Variants in CASQ2 observed in about 807,000 individuals in gnomAD.
CASQ2 encodes the protein calsequestrin-2.
CASQ2 carries 49 observed loss-of-function variants against 46.5 expected under a neutral mutation model. The observed-to-expected ratio is 1.05, with a 90% CI of 0.84 to 1.34. CASQ2 has a LOEUF of 1.34. Ranked by LOEUF, CASQ2 falls within the 40% of genes most tolerant of loss-of-function variation. CASQ2 has a pLI of 0.00. For missense variants in CASQ2, 486 were observed against 481.3 expected (o/e 1.01, Z -0.09); for synonymous variants, 174 against 168.5 (o/e 1.03, Z -0.25).
chr1:115,754,108 G>A (rs890434265), intron 1 of CASQ2, among the ~76,000 whole-genome samples: 4 of 152,134 alleles, frequency 2.6e-5, no homozygotes, highest in South Asian at 2.1e-4. Flanking sequence ...CCAGAGAGCC[G>A]ACGTTTCTCT....
At chr1:115,734,765 G>T (rs1647900615) in intron 4 of CASQ2, among the ~76,000 whole-genome samples, 1 of 152,092 alleles carries the variant, frequency 6.6e-6, no homozygotes, top group Admixed American at 6.6e-5. Context: ...CCCTCTCTCA[G>T]GGTTGTGCGT....
At chr1:115,747,373 T>C (rs185505119) in intron 1 of CASQ2, among the ~76,000 whole-genome samples, 7 of 152,308 alleles carry the variant, frequency 4.6e-5, no homozygotes, top group African/African-American at 7.2e-5. Context: ...TTGATTGCAG[T>C]AGCTAGGATC....
At chr1:115,761,529 G>GAAGAAGAAGAAGAAGAAGAAGAAGAAGT in intron 1 of CASQ2, among the ~76,000 whole-genome samples, 1 of 67,866 alleles carries the variant, frequency 1.5e-5, no homozygotes, top group African/African-American at 5.0e-5. Flanking sequence ...AGAAGAAGAA[G>GAAGAAGAAGAAGAAGAAGAAGAAGAAGT]AGTTCATAAA....
At chr1:115,768,223 G>A (rs1047546402) in intron 1 of CASQ2, 85 bp downstream of exon 1, 15 of 878,536 alleles carry the variant, frequency 1.7e-5, no homozygotes, top group Admixed American at 6.8e-5. Flanking sequence ...CTGCATCCTC[G>A]TTCCCATATC....
At chr1:115,704,502 G>A (rs1654301940) in intron 9 of CASQ2, among the ~76,000 whole-genome samples, 1 of 152,182 alleles carries the variant, frequency 6.6e-6, no homozygotes, top group Non-Finnish European at 1.5e-5. Flanking sequence ...CTAGTTCCAG[G>A]CATACAGTAG....
At position 115,710,047 on chromosome 1, in the gene CASQ2, T is replaced by C. The variant is rs191636897; in HGVS notation, c.839-4755A>G. 3.9e-5 allele frequency among the ~76,000 whole-genome samples: 6 copies of C among 152,300 alleles called. No individual in the cohort carries two copies. The East Asian group carries it at 1.2e-3, about 29-fold the overall frequency. Reference sequence around the variant, plus strand: ...TTTGTAAAGATGAAGTCTCTCTGTGTTGTCCAGGCTCATCTTGAACTCCTG... The same window carrying C: ...TTTGTAAAGATGAAGTCTCTCTGTGCTGTCCAGGCTCATCTTGAACTCCTG... On this transcript the variant is annotated intron_variant, in intron 8 of 10. Coordinates refer to ENST00000261448, the MANE Select transcript of CASQ2 (RefSeq NM_001232.4).
At position 115,705,214 on chromosome 1, in the gene CASQ2, A is replaced by C; in HGVS notation, c.917T>G (p.Ile306Ser). ...CACCAGAGGAAAGTCGTCCGGGTCG[A>C]TCCACAGGATGCTCAGATCGGGGTT... ...TDNPDLSILW[I>S]DPDDFPLLVA... is the part of the protein sequence containing the mutation. Residue 306 changes from isoleucine (I) to serine (S), a missense_variant, in exon 9 of 11, where the codon ATC (isoleucine) becomes AGC (serine). Coordinates refer to ENST00000261448, the MANE Select transcript of CASQ2 (RefSeq NM_001232.4). 1 of 1,613,568 alleles carries C rather than the reference A, an allele frequency of 6.2e-7. No homozygotes were observed. Among genetic ancestry groups the C allele is most frequent in the Non-Finnish European group, 8.5e-7 (1 of 1,179,456 alleles).
chr1:115,751,456 C>T (rs1648577722), intron 1 of CASQ2, among the ~76,000 whole-genome samples: 1 of 151,650 alleles, frequency 6.6e-6, no homozygotes, highest in Admixed American at 6.6e-5. Flanking sequence ...AACACGAGGT[C>T]AGGAGATAGA....
intron 4 of CASQ2, among the ~76,000 whole-genome samples, chr1:115,735,496 G>A (rs1034808822): frequency 2.6e-5 from 4 of 152,268 alleles, no homozygotes; most frequent in East Asian, 1.9e-4. Flanking sequence ...CAAGGGCTAC[G>A]TGAAATATAT....
intron 8 of CASQ2, among the ~76,000 whole-genome samples, chr1:115,708,171 C>T (rs1023407712): frequency 6.6e-6 from 1 of 152,018 alleles, no homozygotes; most frequent in Admixed American, 6.5e-5. Context: ...TTTTTGTAAA[C>T]GAGTGAAGTC....
chr1:115,711,107 C>T (rs1042120322), intron 8 of CASQ2, among the ~76,000 whole-genome samples: 13 of 152,174 alleles, frequency 8.5e-5, no homozygotes, highest in Non-Finnish European at 1.8e-4. Flanking sequence ...GCTATCTGTC[C>T]TCATGGCCCC....
At chr1:115,765,379 T>G (rs1007935823) in intron 1 of CASQ2, among the ~76,000 whole-genome samples, 5 of 152,156 alleles carry the variant, frequency 3.3e-5, no homozygotes, top group Non-Finnish European at 7.4e-5. Flanking sequence ...CCCTTAGAGA[T>G]GCAGACAAAA....
chr1:115,731,716 T>G (rs1216899434), intron 5 of CASQ2, among the ~76,000 whole-genome samples: 1 of 152,160 alleles, frequency 6.6e-6, no homozygotes, highest in South Asian at 2.1e-4. Context: ...AGTAACTACA[T>G]GATCATGAAA....
intron 2 of CASQ2, among the ~76,000 whole-genome samples, chr1:115,743,083 CTG>C (rs920674326): frequency 1.3e-5 from 2 of 152,124 alleles, no homozygotes; most frequent in Admixed American, 1.3e-4. Context: ...AGCCATTAAA[CTG>C]TTTTTGACTC....
intron 5 of CASQ2, among the ~76,000 whole-genome samples, chr1:115,727,402 T>C (rs940141859): frequency 1.3e-5 from 2 of 152,136 alleles, no homozygotes; most frequent in Non-Finnish European, 2.9e-5. Flanking sequence ...AGTGGGAAAT[T>C]TAATTCTACA....
intron 10 of CASQ2, among the ~76,000 whole-genome samples, chr1:115,702,423 T>C (rs889757729): frequency 6.6e-6 from 1 of 152,180 alleles, no homozygotes; most frequent in African/African-American, 2.4e-5. Flanking sequence ...TGTCCCACCC[T>C]CGGTTCAACA....
intron 10 of CASQ2, among the ~76,000 whole-genome samples, chr1:115,701,703 G>T (rs558323718): frequency 2.0e-5 from 3 of 152,282 alleles, no homozygotes; most frequent in African/African-American, 7.2e-5. Flanking sequence ...TTCCCTCCAG[G>T]AATGAGACTA....
intron 8 of CASQ2, among the ~76,000 whole-genome samples, chr1:115,713,897 G>A (rs1456645732): frequency 6.6e-6 from 1 of 152,106 alleles, no homozygotes; most frequent in African/African-American, 2.4e-5. Context: ...CTGTGATCCC[G>A]AACATGCCAC....
At chr1:115,737,238 G>A (rs138423247) in intron 4 of CASQ2, among the ~76,000 whole-genome samples, 51 of 152,310 alleles carry the variant, frequency 3.3e-4, no homozygotes, top group Non-Finnish European at 5.6e-4. Context: ...TTTAAGCACT[G>A]TAAATGGAGG....
Sources: gnomAD v4.1 joint callset for allele counts (sites outside exome capture counted in the v4.1 genomes callset) on GRCh38, gnomAD v4.1.1 for gene constraint, MANE v1.5 for transcripts, NCBI Gene and HGNC (gene_info 2026-07-23, HGNC 2026-07-21) for gene names.